SPIRE1: variants seen among roughly 807,000 people sequenced by gnomAD.
SPIRE1 encodes the protein spire type actin nucleation factor 1.
A neutral mutation model predicts 94.1 loss-of-function variants in SPIRE1; 40 were observed. The observed-to-expected ratio is 0.43, with a 90% CI of 0.33 to 0.55. SPIRE1 has a LOEUF of 0.55. SPIRE1 is among the 20% of genes least tolerant of loss of function. The pLI is 0.06. For synonymous variants in SPIRE1, 376 were observed against 371.7 expected, an observed-to-expected ratio of 1.01 and a Z score of -0.13; for missense variants, 838 against 975.2, an observed-to-expected ratio of 0.86 and a Z score of 1.87.
intron 9 of SPIRE1, among the ~76,000 whole-genome samples, chr18:12,482,563 T>C (rs2032882633): frequency 6.6e-6 from 1 of 152,236 alleles, no homozygotes; most frequent in Admixed American, 6.5e-5. Flanking sequence ...AAGTTGTTTA[T>C]GGCAGATTAA....
At chr18:12,512,686 T>C (rs2034073609) in intron 4 of SPIRE1, among the ~76,000 whole-genome samples, 155 bp from the exon 5 acceptor site, 1 of 151,952 alleles carries the variant, frequency 6.6e-6, no homozygotes, top group Non-Finnish European at 1.5e-5. Flanking sequence ...CCAATTAAAA[T>C]GGAACCCTGA....
intron 4 of SPIRE1, 25 bp downstream of exon 4, chr18:12,535,451 T>A (rs368636760): frequency 1.3e-6 from 2 of 1,590,188 alleles, no homozygotes; most frequent in Non-Finnish European, 1.7e-6. Context: ...ACAATGCCAA[T>A]AAATATCAAA....
intron 2 of SPIRE1, among the ~76,000 whole-genome samples, chr18:12,604,624 C>A (rs775300617): frequency 3.3e-5 from 5 of 152,046 alleles, no homozygotes; most frequent in Non-Finnish European, 7.4e-5. Flanking sequence ...TTTATTTCTT[C>A]AAATATCTCT....
At chr18:12,481,021 T>C (rs1167588840) in intron 9 of SPIRE1, among the ~76,000 whole-genome samples, 1 of 152,054 alleles carries the variant, frequency 6.6e-6, no homozygotes, top group Non-Finnish European at 1.5e-5. Flanking sequence ...GCACTGTAAC[T>C]GAGGTTACTA....
chr18:12,576,553 G>A (rs1283954877), intron 2 of SPIRE1, among the ~76,000 whole-genome samples: 1 of 127,608 alleles, frequency 7.8e-6, no homozygotes, highest in Non-Finnish European at 1.6e-5. Context: ...CTGCACTCCA[G>A]CCTGGGCATC....
intron 3 of SPIRE1, among the ~76,000 whole-genome samples, chr18:12,542,272 G>T (rs376941633): frequency 6.0e-4 from 92 of 152,236 alleles, no homozygotes; most frequent in African/African-American, 1.9e-3. Flanking sequence ...ACCGCACGCA[G>T]CCAACAAGGC....
rs71172094 is a variant in SPIRE1, at chr18:12,518,499, C to CA, written c.730-5969dup. ...AGAGCAAGACCCTGTCTCACACACA[C>CA]AAAAAAAAAAAAGAAAAGAAAAAAG... On this transcript the variant is annotated intron_variant, in intron 4 of 16. Transcript: ENST00000409402. Among the ~76,000 whole-genome samples, 984 of 134,840 alleles carry CA rather than the reference C, an allele frequency of 7.3e-3. 12 individuals carry two copies. The highest frequency in any genetic ancestry group is 0.019 in the African/African-American group (676 of 36,166). The allele number at this position is 134,840 out of a possible 152,430, so 88.5% of individuals were successfully genotyped here. A position where few individuals can be genotyped will look rare whatever the true frequency, so the allele number is the denominator to read the frequency against.
intron 2 of SPIRE1, among the ~76,000 whole-genome samples, chr18:12,608,504 T>G (rs1048526522): frequency 1.3e-5 from 2 of 152,222 alleles, no homozygotes; most frequent in African/African-American, 2.4e-5. Context: ...AAGTATCTTC[T>G]TGCTTCATTT....
chr18:12,621,846 A>T (rs755784880), intron 2 of SPIRE1, among the ~76,000 whole-genome samples: 5 of 152,162 alleles, frequency 3.3e-5, no homozygotes, highest in Non-Finnish European at 7.3e-5. Context: ...ATTATATCCT[A>T]AAAAAATTAT....
At chr18:12,508,002 C>T (rs1448713158) in intron 5 of SPIRE1, among the ~76,000 whole-genome samples, 9 of 151,214 alleles carry the variant, frequency 6.0e-5, no homozygotes, top group Non-Finnish European at 1.5e-5. Flanking sequence ...AAAAATTAGC[C>T]GGGTGTGGTG....
intron 4 of SPIRE1, among the ~76,000 whole-genome samples, chr18:12,528,503 G>A (rs186232585): frequency 6.6e-6 from 1 of 152,324 alleles, no homozygotes; most frequent in East Asian, 1.9e-4. Flanking sequence ...TCAGGTAGGT[G>A]CAGAGGCCCT....
intron 8 of SPIRE1, among the ~76,000 whole-genome samples, chr18:12,486,930 G>C (rs1055384686): frequency 1.3e-5 from 2 of 152,228 alleles, no homozygotes; most frequent in African/African-American, 2.4e-5. Flanking sequence ...TCAGCTCACC[G>C]CAACCTCCGC....
chr18:12,510,015 G>A (rs1002350295), intron 5 of SPIRE1, among the ~76,000 whole-genome samples: 7 of 151,830 alleles, frequency 4.6e-5, no homozygotes, highest in Non-Finnish European at 8.8e-5. Context: ...AACCCAGGAG[G>A]CGGAGGTTGC....
rs141041977 is a variant in SPIRE1, at chr18:12,447,151, C to A, written c.*2487G>T. On this transcript the variant is annotated 3_prime_UTR_variant, in exon 17 of 17. Transcript: ENST00000409402. ...TCATGACGTATGGGACAAAAGGAAC[C>A]GGTGCTCAGGCCTGGAGGGAGCTGA... 5 of 152,194 alleles carry A rather than the reference C, an allele frequency of 3.3e-5. No individual in the cohort carries two copies. The highest frequency in any genetic ancestry group is 1.2e-4 in the African/African-American group (5 of 41,446). The allele number at this position is 152,194 out of a possible 1,614,324, so 9.4% of individuals were successfully genotyped here.
At chr18:12,473,707 A>G (rs964136627) in intron 10 of SPIRE1, among the ~76,000 whole-genome samples, 22 of 152,242 alleles carry the variant, frequency 1.4e-4, no homozygotes, top group African/African-American at 5.1e-4. Flanking sequence ...TTCTAATTTC[A>G]TGAGTATTTG....
At chr18:12,642,986 T>C (rs577897515) in intron 1 of SPIRE1, among the ~76,000 whole-genome samples, 4 of 152,314 alleles carry the variant, frequency 2.6e-5, no homozygotes, top group African/African-American at 9.6e-5. Context: ...AATATTTGTA[T>C]TTAAAGAATA....
intron 2 of SPIRE1, among the ~76,000 whole-genome samples, chr18:12,629,810 T>A (rs186017504): frequency 9.2e-5 from 14 of 152,318 alleles, no homozygotes; most frequent in Non-Finnish European, 1.8e-4. Context: ...TTAAATTGCC[T>A]ATTAAAGTAA....
intron 4 of SPIRE1, among the ~76,000 whole-genome samples, chr18:12,513,769 CG>C (rs1281369927): frequency 2.6e-5 from 4 of 152,094 alleles, no homozygotes; most frequent in Non-Finnish European, 5.9e-5. Flanking sequence ...GTGATCCACC[CG>C]CCTCGGCCTC....
At chr18:12,452,669 A>T in intron 14 of SPIRE1, 157 bp from the exon 15 acceptor site, 1 of 751,598 alleles carries the variant, frequency 1.3e-6, no homozygotes, top group South Asian at 1.6e-5. Context: ...CTGAATTGCC[A>T]AAAAGATAAT....
Sources: allele counts gnomAD v4.1 joint callset (sites outside exome capture counted in the v4.1 genomes callset), GRCh38; gene constraint gnomAD v4.1.1; transcripts MANE v1.5; gene names NCBI Gene and HGNC (gene_info 2026-07-23, HGNC 2026-07-21).